The following KCNIP4 variants were observed in gnomAD, a reference collection of about 807,000 sequenced individuals.
KCNIP4 encodes Kv channel-interacting protein 4.
A neutral mutation model predicts 34.0 loss-of-function variants in KCNIP4; 12 were observed. That is an observed-to-expected ratio of 0.35 (90% CI 0.23 to 0.57). KCNIP4 has a LOEUF of 0.57. Among genes scored for constraint, KCNIP4 ranks in the 20% least tolerant of loss-of-function variants. The probability of loss-of-function intolerance (pLI) is 0.83; values close to 1 mark genes in which losing one functional copy is unlikely to be tolerated. For missense variants in KCNIP4, 238 were observed against 311.7 expected, an observed-to-expected ratio of 0.76 and a Z score of 1.78; for synonymous variants, 124 against 102.2, an observed-to-expected ratio of 1.21 and a Z score of -1.29.
At chr4:20,916,985 TTATATATATA>T (rs1157104290) in intron 1 of KCNIP4, among the ~76,000 whole-genome samples, 8 of 41,356 alleles carry the variant, frequency 1.9e-4, no homozygotes, top group South Asian at 1.4e-3. Context: ...CATCTTATGT[TTATATATATA>T]TATATATATA....
intron 1 of KCNIP4, among the ~76,000 whole-genome samples, chr4:20,893,367 G>A (rs143622989): frequency 6.2e-4 from 94 of 152,182 alleles, no homozygotes; most frequent in Middle Eastern, 6.8e-3. Context: ...GAATCTAAGC[G>A]CTGCCACTTT....
chr4:21,383,586 A>T (rs16870966), intron 1 of KCNIP4, among the ~76,000 whole-genome samples: 3,649 of 151,956 alleles, frequency 0.024, 186 homozygotes, highest in East Asian at 0.19. Flanking sequence ...ACAGGATGAC[A>T]GTGTGAGGAT....
chr4:21,199,527 A>G (rs1283839289), intron 1 of KCNIP4, among the ~76,000 whole-genome samples: 1 of 152,136 alleles, frequency 6.6e-6, no homozygotes, highest in African/African-American at 2.4e-5. Context: ...TTGCCTGTTC[A>G]TTCTGATGGT....
intron 1 of KCNIP4, among the ~76,000 whole-genome samples, chr4:21,687,841 G>C (rs1264984642): frequency 1.3e-5 from 2 of 152,166 alleles, no homozygotes; most frequent in Non-Finnish European, 2.9e-5. Context: ...TATCTGAGCT[G>C]AGAATTAAAG....
At chr4:21,512,056 TGAAG>T (rs199962252) in intron 1 of KCNIP4, among the ~76,000 whole-genome samples, 34 of 108,650 alleles carry the variant, frequency 3.1e-4, no homozygotes, top group East Asian at 2.4e-3. Flanking sequence ...GGAAAAAGAA[TGAAG>T]GAAGGAAGGA....
At chr4:21,318,794 T>G (rs1714064373) in intron 1 of KCNIP4, among the ~76,000 whole-genome samples, 1 of 152,122 alleles carries the variant, frequency 6.6e-6, no homozygotes, top group Admixed American at 6.6e-5. Context: ...ATCCTGCAGT[T>G]TTACAAGGTT....
At chr4:21,220,064 T>C (rs144628545) in intron 1 of KCNIP4, among the ~76,000 whole-genome samples, 3,131 of 152,276 alleles carry the variant, frequency 0.021, 48 homozygotes, top group Non-Finnish European at 0.03. Context: ...AAGAAGTTAT[T>C]AATTATTTGT....
chr4:21,184,265 C>A (rs1473865467), intron 1 of KCNIP4, among the ~76,000 whole-genome samples: 1 of 152,062 alleles, frequency 6.6e-6, no homozygotes, highest in African/African-American at 2.4e-5. Flanking sequence ...TAGAACAGTA[C>A]CTGAAACATA....
intron 1 of KCNIP4, among the ~76,000 whole-genome samples, chr4:21,234,190 T>TAA (rs1759092758): frequency 7.0e-5 from 6 of 86,056 alleles, no homozygotes; most frequent in African/African-American, 3.9e-4. Context: ...ATAACGTATA[T>TAA]TATATATAAC....
intron 1 of KCNIP4, among the ~76,000 whole-genome samples, chr4:21,063,411 G>A (rs1744093202): frequency 6.6e-6 from 1 of 152,184 alleles, no homozygotes; most frequent in Non-Finnish European, 1.5e-5. Context: ...GTCCTTCACA[G>A]TTTCTTTTCT....
intron 1 of KCNIP4, among the ~76,000 whole-genome samples, chr4:21,455,098 A>T (rs1728818012): frequency 6.6e-6 from 1 of 152,038 alleles, no homozygotes; most frequent in African/African-American, 2.4e-5. Context: ...TATGAGTCAG[A>T]TTACATTGCT....
intron 1 of KCNIP4, among the ~76,000 whole-genome samples, chr4:21,833,161 G>A (rs1578046559): frequency 1.3e-5 from 2 of 151,286 alleles, no homozygotes; most frequent in East Asian, 1.9e-4. Flanking sequence ...CTGAGGAATC[G>A]CCACACTGAC....
Position 21,538,011 on chromosome 4 carries a change from C to CAAAAA in KCNIP4, c.61+410555_61+410559dup, listed in dbSNP as rs71191517. ...TAGGTGACAGAGTGAGATTCCGTCT[C>CAAAAA]AAAAAAAAAAAAAAAAAAAAAAAAA... On this transcript the variant is annotated intron_variant, in intron 1 of 8. Coordinates refer to ENST00000382152, the MANE Select transcript of KCNIP4 (RefSeq NM_025221.6). 2.5e-4 allele frequency among the ~76,000 whole-genome samples: 13 copies of CAAAAA among 51,262 alleles called. 1 individual carries two copies. Among genetic ancestry groups the CAAAAA allele is most frequent in the Non-Finnish European group, 3.6e-4 (10 of 27,588 alleles). The allele number at this position is 51,262 out of a possible 152,430, so 33.6% of individuals were successfully genotyped here. A position where few individuals can be genotyped will look rare whatever the true frequency, so the allele number is the denominator to read the frequency against.
At chr4:21,710,361 G>A (rs1359170763) in intron 1 of KCNIP4, among the ~76,000 whole-genome samples, 1 of 152,058 alleles carries the variant, frequency 6.6e-6, no homozygotes, top group African/African-American at 2.4e-5. Context: ...AAATATTCAG[G>A]ACCCTGCCAT....
intron 2 of KCNIP4, among the ~76,000 whole-genome samples, chr4:20,859,958 A>G (rs1025393913): frequency 2.6e-5 from 4 of 152,196 alleles, no homozygotes; most frequent in African/African-American, 9.6e-5. Context: ...CCTATAAAGC[A>G]TGAAACACTG....
rs750488931 is a variant in KCNIP4, at chr4:21,727,145, C to T, written c.61+221426G>A. Among the ~76,000 whole-genome samples the T allele has an allele frequency of 5.8e-4, 89 of 152,238 alleles. 1 individual carries two copies. The highest frequency in any genetic ancestry group is 1.1e-3 in the Non-Finnish European group (72 of 68,024). On this transcript the variant is annotated intron_variant, in intron 1 of 8. Transcript: ENST00000382152. ...CCAAAATTCATGTTAGGATCAAACA[C>T]CCAATGTGATAGTATTAAGACATGG...
intron 1 of KCNIP4, among the ~76,000 whole-genome samples, chr4:21,842,174 A>G (rs1311585019): frequency 1.3e-5 from 2 of 152,182 alleles, no homozygotes; most frequent in East Asian, 1.9e-4. Flanking sequence ...AAAATTTTCA[A>G]AGTAATAACC....
At position 21,619,516 on chromosome 4, in the gene KCNIP4, T is replaced by C. The variant is rs1203901515; in HGVS notation, c.61+329055A>G. Among the ~76,000 whole-genome samples the C allele has an allele frequency of 2.6e-5, 4 of 152,216 alleles. No homozygotes were observed. The East Asian group carries it at 7.7e-4, about 29-fold the overall frequency. ...GACAGTCCAAATTCTAATTGCAGCT[T>C]TGCTCATTATTTCTGTCTGGATTTG... On this transcript the variant is annotated intron_variant, in intron 1 of 8. Coordinates refer to ENST00000382152, the MANE Select transcript of KCNIP4 (RefSeq NM_025221.6).
intron 1 of KCNIP4, among the ~76,000 whole-genome samples, chr4:21,564,879 G>C (rs906397420): frequency 6.6e-6 from 1 of 152,046 alleles, no homozygotes; most frequent in Non-Finnish European, 1.5e-5. Context: ...AAGGGAACTA[G>C]CAGAGGGAGA....
Sources: gnomAD v4.1 joint callset for allele counts (sites outside exome capture counted in the v4.1 genomes callset) on GRCh38, gnomAD v4.1.1 for gene constraint, MANE v1.5 for transcripts, NCBI Gene and HGNC (gene_info 2026-07-23, HGNC 2026-07-21) for gene names.